The following SLF1 variants were observed in gnomAD, a reference collection of about 807,000 sequenced individuals.
SLF1 encodes SMC5-SMC6 complex localization factor protein 1.
SLF1 carries 105 observed loss-of-function variants against 123.0 expected under a neutral mutation model. The ratio of observed to expected loss-of-function variants is 0.85; its 90% CI spans 0.73 to 1.00. SLF1 has a LOEUF of 1.00. Ranked by LOEUF, SLF1 falls within the 50% of genes least tolerant of loss-of-function variation. The pLI is 0.00. For missense variants in SLF1, 1,239 were observed against 1,223.0 expected (o/e 1.01, Z -0.20); for synonymous variants, 434 against 406.6 (o/e 1.07, Z -0.81).
rs917293719 is a variant in SLF1 at position 94,643,278 on chromosome 5, T to C, written c.437T>C (p.Leu146Ser). The change falls in exon 5 of 21, where the codon TTG becomes TCG. Residue 146 changes from leucine to serine, a missense_variant. Physicochemically the swap from Leu to Ser is moderately radical, Grantham distance 145. Coordinates refer to ENST00000265140, the MANE Select transcript of SLF1 (RefSeq NM_032290.4). The part of the protein sequence containing the change: ...DKRSDSLIRV[L>S]EAGKANVILP... ...CCATTTACATTTTTATTTAGAGTTT[T>C]GGAGGCTGGAAAGGCAAATGTTATT... The C allele has an allele frequency of 3.9e-6, 6 of 1,531,738 alleles. No individual in the cohort carries two copies. The African/African-American group carries it at 8.4e-5, about 21-fold the overall frequency. The allele number at this position is 1,531,738 out of a possible 1,614,324, so 94.9% of individuals were successfully genotyped here. A position where few individuals can be genotyped will look rare whatever the true frequency, so the allele number is the denominator to read the frequency against.
chr5:94,688,518 T>A lies in SLF1; in HGVS notation c.2134T>A (p.Leu712Ile). 6.2e-7 allele frequency: 1 copy of A among 1,614,018 alleles called. No individual in the cohort carries two copies. Among genetic ancestry groups the A allele is most frequent in the Non-Finnish European group, 8.5e-7 (1 of 1,179,904 alleles). ...LSLQKMVYSY[L>I]PALGKTGVLG... is the part of the protein sequence containing the mutation. ...TATTTTTCAACAGGTATATTCCTAT[T>A]TACCAGCCTTGGGGAAAACTGGTGT... is the stretch of plus-strand genomic sequence containing the variant. The change falls in exon 17 of 21, where the codon TTA becomes ATA. Residue 712 changes from leucine (L) to isoleucine (I), a missense_variant. Physicochemically the swap from Leu to Ile is conservative, Grantham distance 5 (BLOSUM62 2). Transcript: ENST00000265140.
chr5:94,631,981 TTTTTTTTC>T lies in SLF1; in HGVS notation c.431+1239_431+1246del, dbSNP rs1298715416. The stretch of plus-strand genomic sequence containing the variant: ...ATTTTTTTTTCTTTCTTTTTTTTTT[TTTTTTTTC>T]CAAATTAAATTAGCCAGGCTTGGTG... On this transcript the variant is annotated intron_variant, in intron 4 of 20. Coordinates refer to ENST00000265140, the MANE Select transcript of SLF1 (RefSeq NM_032290.4). Among the ~76,000 whole-genome samples, 19 of 89,218 alleles carry T rather than the reference TTTTTTTTC, an allele frequency of 2.1e-4. No homozygotes were observed. The East Asian group carries it at 8.1e-3, about 38-fold the overall frequency. The allele number at this position is 89,218 out of a possible 152,430, so 58.5% of individuals were successfully genotyped here.
intron 5 of SLF1, among the ~76,000 whole-genome samples, chr5:94,647,805 T>C (rs1747236390): frequency 6.6e-6 from 1 of 152,206 alleles, no homozygotes; most frequent in Non-Finnish European, 1.5e-5. Flanking sequence ...AGATAATAGA[T>C]TATTCAATTT....
chr5:94,688,760 C>G, intron 17 of SLF1, 91 bp downstream of exon 17: 1 of 1,420,422 alleles, frequency 7.0e-7, no homozygotes, highest in Non-Finnish European at 9.7e-7. Flanking sequence ...ATCTGTGATA[C>G]TGTCTGAATT....
chr5:94,634,008 A>G (rs1745484695), intron 4 of SLF1, among the ~76,000 whole-genome samples: 1 of 151,936 alleles, frequency 6.6e-6, no homozygotes, highest in Non-Finnish European at 1.5e-5. Flanking sequence ...ATTTGTATTA[A>G]TCGTGTTTGC....
chr5:94,671,448 G>T (rs1218727269), intron 14 of SLF1, among the ~76,000 whole-genome samples: 2 of 151,378 alleles, frequency 1.3e-5, no homozygotes, highest in African/African-American at 4.8e-5. Context: ...AGTTGATTTT[G>T]CCTGTCATTA....
intron 5 of SLF1, 42 bp downstream of exon 5, chr5:94,643,477 G>A: frequency 7.8e-7 from 1 of 1,283,680 alleles, no homozygotes; most frequent in Non-Finnish European, 1.0e-6. Flanking sequence ...TGTTTCATGT[G>A]TTCATTTTAT....
chr5:94,666,937 G>A (rs529796383), intron 12 of SLF1, among the ~76,000 whole-genome samples: 13 of 146,704 alleles, frequency 8.9e-5, no homozygotes, highest in East Asian at 6.2e-4. Context: ...GGACCATCAC[G>A]CCTGGCTGGG....
intron 17 of SLF1, among the ~76,000 whole-genome samples, chr5:94,689,262 TGGG>T (rs1200140359): frequency 6.6e-6 from 1 of 152,152 alleles, no homozygotes; most frequent in African/African-American, 2.4e-5. Flanking sequence ...AGTGAGCAGT[TGGG>T]GGAGTAGGAC....
chr5:94,679,602 AAAAC>A (rs568799478), intron 15 of SLF1, among the ~76,000 whole-genome samples: 52 of 152,090 alleles, frequency 3.4e-4, no homozygotes, highest in South Asian at 1.7e-3. Flanking sequence ...TTTAAAAAAA[AAAAC>A]AAACAAAAAA....
chr5:94,630,687 C>T lies in SLF1; in HGVS notation c.375C>T (p.His125=), dbSNP rs1745101272. ...LKRTGAPGAF[H]RWKVVLLVRT... ...GCACTGGTGCTCCAGGAGCCTTCCA[C>T]AGATGGAAAGTTGTCCTCCTTGTTA... The change falls in exon 4 of 21, where the codon CAC becomes CAT. Residue 125 remains histidine, a synonymous_variant. Coordinates refer to ENST00000265140, the MANE Select transcript of SLF1 (RefSeq NM_032290.4). 2 of 1,551,554 alleles carry T rather than the reference C, an allele frequency of 1.3e-6. No homozygotes were observed. The highest frequency in any genetic ancestry group is 2.0e-5 in the Admixed American group (1 of 50,984).
chr5:94,630,133 A>C (rs1170600009), intron 3 of SLF1, among the ~76,000 whole-genome samples: 1 of 152,250 alleles, frequency 6.6e-6, no homozygotes, highest in African/African-American at 2.4e-5. Context: ...GAATAATGAT[A>C]GTAATAATAA....
At chr5:94,659,532 C>G (rs1275229701) in intron 9 of SLF1, among the ~76,000 whole-genome samples, 1 of 152,110 alleles carries the variant, frequency 6.6e-6, no homozygotes, top group African/African-American at 2.4e-5. Context: ...GGATAGAGTG[C>G]TTTAGTTTTG....
intron 4 of SLF1, among the ~76,000 whole-genome samples, chr5:94,639,994 C>T (rs1436888212): frequency 6.6e-6 from 1 of 152,176 alleles, no homozygotes; most frequent in Non-Finnish European, 1.5e-5. Flanking sequence ...CTTCCAAATA[C>T]ATTGGTAATA....
rs528029943 is a variant in SLF1, at chr5:94,692,353, G to A, written c.2695+97G>A. 1.1e-5 allele frequency: 13 copies of A among 1,197,176 alleles called. No homozygotes were observed. In the Admixed American group the frequency reaches 2.7e-4, roughly 24 times the overall value. 74.2% of individuals were successfully genotyped at this position (1,197,176 alleles called of 1,614,324 possible). A position where few individuals can be genotyped will look rare whatever the true frequency, so the allele number is the denominator to read the frequency against. Reference sequence around the variant, plus strand: ...GCATTTTATGTTTAAAATCTGTAAGGAAAGATGCCTTTATTTCATATTAAT... The same window carrying A: ...GCATTTTATGTTTAAAATCTGTAAGAAAAGATGCCTTTATTTCATATTAAT... On this transcript the variant is annotated intron_variant, in intron 20 of 20. Coordinates refer to ENST00000265140, the MANE Select transcript of SLF1 (RefSeq NM_032290.4).
intron 4 of SLF1, among the ~76,000 whole-genome samples, chr5:94,633,967 C>T (rs541083967): frequency 6.6e-6 from 1 of 152,100 alleles, no homozygotes; most frequent in South Asian, 2.1e-4. Context: ...TATTAGTTGC[C>T]CCCAAGCATT....
chr5:94,638,925 A>G (rs1343755705), intron 4 of SLF1, among the ~76,000 whole-genome samples: 1 of 152,020 alleles, frequency 6.6e-6, no homozygotes, highest in Admixed American at 6.6e-5. Flanking sequence ...GTAATTTGAC[A>G]ATTTCTGCCT....
chr5:94,663,644 C>G, intron 10 of SLF1, 106 bp from the exon 11 acceptor site: 1 of 1,051,670 alleles, frequency 9.5e-7, no homozygotes. Flanking sequence ...GACTCCGTCT[C>G]AAATGAATGA....
chr5:94,658,740 T>C (rs536366278), intron 9 of SLF1, among the ~76,000 whole-genome samples: 1 of 152,336 alleles, frequency 6.6e-6, no homozygotes, highest in African/African-American at 2.4e-5. Flanking sequence ...CCTTTGCCCA[T>C]CACTTCTCCA....
Sources: gnomAD v4.1 joint callset for allele counts (sites outside exome capture counted in the v4.1 genomes callset) on GRCh38, gnomAD v4.1.1 for gene constraint, MANE v1.5 for transcripts, NCBI Gene and HGNC (gene_info 2026-07-23, HGNC 2026-07-21) for gene names.